MINDY4: variants seen among roughly 807,000 people sequenced by gnomAD.
The protein encoded by MINDY4 is MINDY lysine 48 deubiquitinase 4.
In MINDY4, 68 loss-of-function variants were observed where a neutral mutation model predicts 87.0. That is an observed-to-expected ratio of 0.78 (90% CI 0.64 to 0.96). The LOEUF (loss-of-function observed/expected upper bound fraction) is 0.96, where lower values mean the gene tolerates loss of function less well. Ranked by LOEUF, MINDY4 falls within the 40% of genes least tolerant of loss-of-function variation. The pLI is 0.00. For synonymous variants in MINDY4, 379 were observed against 363.2 expected (o/e 1.04, Z -0.50); for missense variants, 919 against 928.2 (o/e 0.99, Z 0.13).
chr7:30,776,971 C>CTTTTCTTTTCTT (rs1254959067), intron 1 of MINDY4, among the ~76,000 whole-genome samples: 2 of 151,796 alleles, frequency 1.3e-5, no homozygotes, highest in Non-Finnish European at 1.5e-5. Context: ...AATGGTATTT[C>CTTTTCTTTTCTT]TTTTCTTTTC....
chr7:30,787,156 A>G (rs1436940703), intron 4 of MINDY4, among the ~76,000 whole-genome samples: 1 of 152,198 alleles, frequency 6.6e-6, no homozygotes, highest in Non-Finnish European at 1.5e-5. Context: ...AGTCTCTTCT[A>G]TTAGACCAGC....
intron 17 of MINDY4, among the ~76,000 whole-genome samples, chr7:30,885,055 G>A (rs1286252001): frequency 6.6e-6 from 1 of 152,234 alleles, no homozygotes; most frequent in African/African-American, 2.4e-5. Context: ...TTAGTGTTGT[G>A]TGAGCTTGGA....
chr7:30,859,202 C>T, intron 12 of MINDY4, 55 bp from the exon 13 acceptor site: 1 of 1,537,578 alleles, frequency 6.5e-7, no homozygotes, highest in Admixed American at 1.7e-5. Context: ...AGGTGTGGGG[C>T]TGGGAAGAGG....
intron 6 of MINDY4, among the ~76,000 whole-genome samples, chr7:30,831,328 C>CTCTA (rs1788694082): frequency 6.6e-6 from 1 of 152,078 alleles, no homozygotes; most frequent in South Asian, 2.1e-4. Context: ...TTTCAGGGGG[C>CTCTA]TCTATCTCTC....
intron 1 of MINDY4, among the ~76,000 whole-genome samples, chr7:30,778,177 C>T (rs143210552): frequency 1.5e-3 from 227 of 152,296 alleles, no homozygotes; most frequent in African/African-American, 5.3e-3. Context: ...AATGTAGGGC[C>T]AAACCCAGGA....
At chr7:30,831,959 T>C (rs1291295946) in intron 6 of MINDY4, among the ~76,000 whole-genome samples, 1 of 152,192 alleles carries the variant, frequency 6.6e-6, no homozygotes, top group Non-Finnish European at 1.5e-5. Context: ...TACAGATGGC[T>C]TTGTCTTCCT....
intron 5 of MINDY4, among the ~76,000 whole-genome samples, chr7:30,818,386 A>C (rs2128560042): frequency 6.6e-6 from 1 of 152,342 alleles, no homozygotes; most frequent in South Asian, 2.1e-4. Flanking sequence ...AACCTCATTA[A>C]TCATCATTAT....
chr7:30,854,998 G>A (rs1448951953), intron 12 of MINDY4, among the ~76,000 whole-genome samples: 2 of 152,216 alleles, frequency 1.3e-5, no homozygotes, highest in African/African-American at 2.4e-5. Flanking sequence ...CGGGGCATCG[G>A]GAGCCCCAGG....
chr7:30,849,595 ACT>A (rs1054848312), intron 9 of MINDY4, among the ~76,000 whole-genome samples: 36 of 151,780 alleles, frequency 2.4e-4, no homozygotes, highest in Non-Finnish European at 4.7e-4. Context: ...GTGTCGTGGC[ACT>A]CTCTCCTCAT....
At chr7:30,775,863 A>G (rs1446857847) in intron 1 of MINDY4, among the ~76,000 whole-genome samples, 1 of 152,150 alleles carries the variant, frequency 6.6e-6, no homozygotes, top group Non-Finnish European at 1.5e-5. Flanking sequence ...TCCTCCTACA[A>G]CTGTGCCCAT....
chr7:30,839,400 C>G (rs1012495122), intron 8 of MINDY4, 84 bp downstream of exon 8: 4 of 786,240 alleles, frequency 5.1e-6, no homozygotes, highest in Non-Finnish European at 8.2e-6. Context: ...TTTGGTTAAT[C>G]CTGTGAGCAT....
chr7:30,785,784 T>C lies in MINDY4; in HGVS notation c.455T>C (p.Phe152Ser). 1 of 1,614,218 alleles carries C rather than the reference T, an allele frequency of 6.2e-7. No individual in the cohort carries two copies. Among genetic ancestry groups the C allele is most frequent in the Non-Finnish European group, 8.5e-7 (1 of 1,180,032 alleles). ...CTTGATGGAGATGTACTTGGTAATT[T>C]TGTATCATCTAAAAGGCCCCCGCAC... is the stretch of plus-strand genomic sequence containing the variant. ...DNLDGDVLGN[F>S]VSSKRPPHKS... The change falls in exon 4 of 18, where the codon TTT (phenylalanine) becomes TCT (serine). Residue 152 changes from phenylalanine to serine, a missense_variant. Physicochemically the swap from Phe to Ser is radical, Grantham distance 155. Transcript: ENST00000265299.
At chr7:30,854,822 G>A (rs1384588802) in intron 12 of MINDY4, among the ~76,000 whole-genome samples, 1 of 152,234 alleles carries the variant, frequency 6.6e-6, no homozygotes, top group Admixed American at 6.5e-5. Flanking sequence ...CCTACCCTAG[G>A]AACAAAAGGA....
At chr7:30,793,442 G>T (rs60425551) in intron 5 of MINDY4, among the ~76,000 whole-genome samples, 5,498 of 149,482 alleles carry the variant, frequency 0.037, 147 homozygotes, top group Middle Eastern at 0.099. Context: ...TGGAGACAGG[G>T]TCTCATTCTG....
chr7:30,852,950 G>A lies in MINDY4; in HGVS notation c.1612-444G>A, dbSNP rs183300134. Among the ~76,000 whole-genome samples the A allele has an allele frequency of 2.6e-4, 39 of 152,330 alleles. No individual in the cohort carries two copies. In the Middle Eastern group the frequency reaches 0.02, roughly 80 times the overall value. On this transcript the variant is annotated intron_variant, in intron 11 of 17. Transcript: ENST00000265299. ...GTTTTTTCCTGGCCTGCCTGAAAAA[G>A]CAAAGGAGACTCCTAAGGGCTGCTT...
chr7:30,838,421 C>T (rs147822913), intron 7 of MINDY4, among the ~76,000 whole-genome samples: 349 of 152,200 alleles, frequency 2.3e-3, no homozygotes, highest in African/African-American at 8.0e-3. Context: ...GAGGTTCTTA[C>T]GCATGGTAGA....
chr7:30,805,721 G>A (rs549521354), intron 5 of MINDY4, among the ~76,000 whole-genome samples: 24 of 152,264 alleles, frequency 1.6e-4, no homozygotes, highest in Admixed American at 1.5e-3. Context: ...GTCAACTGTC[G>A]TGTATTGAGG....
chr7:30,814,023 G>C (rs925504657), intron 5 of MINDY4, among the ~76,000 whole-genome samples: 1 of 152,054 alleles, frequency 6.6e-6, no homozygotes, highest in Admixed American at 6.5e-5. Flanking sequence ...GAGACCTTTG[G>C]GTCATCCATT....
chr7:30,844,670 A>G (rs1789150851), intron 9 of MINDY4, among the ~76,000 whole-genome samples: 1 of 152,152 alleles, frequency 6.6e-6, no homozygotes. Flanking sequence ...TGTCCTTGCC[A>G]AGTGGGTGGG....
Sources: gnomAD v4.1 joint callset for allele counts (sites outside exome capture counted in the v4.1 genomes callset) on GRCh38, gnomAD v4.1.1 for gene constraint, MANE v1.5 for transcripts, NCBI Gene and HGNC (gene_info 2026-07-23, HGNC 2026-07-21) for gene names.